SLC25A26: variants seen among roughly 807,000 people sequenced by gnomAD.
The protein encoded by SLC25A26 is solute carrier family 25 member 26.
In SLC25A26, 36 loss-of-function variants were observed where a neutral mutation model predicts 37.8. That is an observed-to-expected ratio of 0.95 (90% confidence interval 0.73 to 1.26). The LOEUF is 1.26. Among genes scored for constraint, SLC25A26 ranks in the 50% most tolerant of loss-of-function variants. The pLI, the probability that SLC25A26 is intolerant of heterozygous loss-of-function variation, is 0.00. For missense variants in SLC25A26, 390 were observed against 331.1 expected (o/e 1.18, Z -1.38); for synonymous variants, 129 against 122.5 (o/e 1.05, Z -0.35).
At chr3:66,269,884 C>A (rs1435763601) in intron 5 of SLC25A26, among the ~76,000 whole-genome samples, 1 of 152,132 alleles carries the variant, frequency 6.6e-6, no homozygotes, top group Admixed American at 6.5e-5. Flanking sequence ...TTCCAGATAG[C>A]GTGTAAATCC....
chr3:66,179,257 T>A (rs558053303), intron 1 of SLC25A26, among the ~76,000 whole-genome samples: 30 of 152,354 alleles, frequency 2.0e-4, no homozygotes, highest in East Asian at 1.5e-3. Context: ...AAATGTAGCA[T>A]CAAGCTCCAA....
chr3:66,221,246 T>C, intron 1 of SLC25A26, 119 bp downstream of exon 1: 1 of 1,136,242 alleles, frequency 8.8e-7, no homozygotes, highest in Non-Finnish European at 1.2e-6. Flanking sequence ...CTCGGGTTAC[T>C]GGCAGCCAGG....
intron 5 of SLC25A26, among the ~76,000 whole-genome samples, chr3:66,274,988 C>G (rs903955099): frequency 1.4e-4 from 22 of 152,034 alleles, no homozygotes; most frequent in African/African-American, 5.3e-4. Flanking sequence ...ATAGCAAAGA[C>G]TTGGAACCAA....
chr3:66,316,701 C>G (rs2075550252), intron 5 of SLC25A26, among the ~76,000 whole-genome samples: 2 of 152,160 alleles, frequency 1.3e-5, no homozygotes, highest in African/African-American at 4.8e-5. Flanking sequence ...GGATGATACC[C>G]TGAAGTGTGT....
chr3:66,195,888 C>A (rs1166493940), intron 1 of SLC25A26, among the ~76,000 whole-genome samples: 1 of 152,148 alleles, frequency 6.6e-6, no homozygotes, highest in East Asian at 1.9e-4. Context: ...ATTCACTTGG[C>A]AAATTATTTA....
chr3:66,230,030 C>G (rs2071937858), intron 1 of SLC25A26, among the ~76,000 whole-genome samples: 1 of 152,218 alleles, frequency 6.6e-6, no homozygotes, highest in Non-Finnish European at 1.5e-5. Context: ...GTCACACATG[C>G]TGTGGCAGAC....
In SLC25A26 at chr3:66,215,714, C is replaced by A. The variant is rs963005295; in HGVS notation, c.-353-5028C>A. The stretch of plus-strand genomic sequence containing the variant: ...AAGGAAAACTGACTTTTCAAACAGG[C>A]CTTTAAAATTTTTTCATTTGACTTT... On this transcript the variant is annotated intron_variant, in intron 1 of 10. Coordinates refer to the SLC25A26 transcript ENST00000676754. Among the ~76,000 whole-genome samples, 6 of 152,190 alleles carry A rather than the reference C, an allele frequency of 3.9e-5. No individual in the cohort carries two copies. In the South Asian group the frequency reaches 6.2e-4, roughly 16 times the overall value.
intron 5 of SLC25A26, among the ~76,000 whole-genome samples, chr3:66,287,349 A>T (rs2074550714): frequency 1.3e-5 from 2 of 151,786 alleles, no homozygotes; most frequent in African/African-American, 4.8e-5. Flanking sequence ...CTCCTAAAAC[A>T]TCTCTTTGTT....
At chr3:66,218,943 C>T (rs2071401379), upstream of SLC25A26, among the ~76,000 whole-genome samples, 1 of 152,190 alleles carries the variant, frequency 6.6e-6, no homozygotes, top group African/African-American at 2.4e-5. Context: ...TCTTAAACAC[C>T]CAGCTAAATG....
intron 5 of SLC25A26, among the ~76,000 whole-genome samples, chr3:66,316,656 G>A (rs2075549130): frequency 6.6e-6 from 1 of 152,254 alleles, no homozygotes; most frequent in Middle Eastern, 3.4e-3. Context: ...GAATTTGAAT[G>A]TTGGCTTATC....
At chr3:66,347,108 C>T (rs1255219763) in intron 6 of SLC25A26, among the ~76,000 whole-genome samples, 2 of 151,982 alleles carry the variant, frequency 1.3e-5, no homozygotes, top group Non-Finnish European at 2.9e-5. Context: ...GCAACAAAAG[C>T]CAAAATTGAC....
chr3:66,143,773 A>T (rs1194603630), intron 1 of SLC25A26, among the ~76,000 whole-genome samples: 1 of 152,174 alleles, frequency 6.6e-6, no homozygotes. Context: ...AGTCCCAGCT[A>T]TTCAGGCTGA....
At chr3:66,216,354 A>G (rs2106847668), upstream of SLC25A26, among the ~76,000 whole-genome samples, 1 of 152,264 alleles carries the variant, frequency 6.6e-6, no homozygotes, top group African/African-American at 2.4e-5. Context: ...TCTACTAAAA[A>G]TACAAAAATT....
chr3:66,293,979 A>G (rs1046013533), intron 5 of SLC25A26, among the ~76,000 whole-genome samples: 1 of 152,140 alleles, frequency 6.6e-6, no homozygotes, highest in African/African-American at 2.4e-5. Flanking sequence ...CTTTTTGCTT[A>G]GGATTACCTT....
intron 1 of SLC25A26, among the ~76,000 whole-genome samples, chr3:66,143,849 C>T (rs1358733226): frequency 6.6e-6 from 1 of 152,202 alleles, no homozygotes; most frequent in South Asian, 2.1e-4. Flanking sequence ...CCAGTGCACT[C>T]CAGCCTGGGC....
chr3:66,286,238 A>T (rs939295966), intron 5 of SLC25A26, among the ~76,000 whole-genome samples: 3 of 152,148 alleles, frequency 2.0e-5, no homozygotes, highest in Admixed American at 6.5e-5. Flanking sequence ...TATGAATTGT[A>T]CTTTGGATGT....
chr3:66,317,468 T>C (rs1193699862), intron 5 of SLC25A26, among the ~76,000 whole-genome samples: 2 of 152,280 alleles, frequency 1.3e-5, no homozygotes, highest in East Asian at 3.9e-4. Context: ...CCAGCAAAGA[T>C]GGCAGCCTGC....
At chr3:66,351,973 G>A (rs1042620098) in intron 6 of SLC25A26, among the ~76,000 whole-genome samples, 1 of 151,996 alleles carries the variant, frequency 6.6e-6, no homozygotes, top group Non-Finnish European at 1.5e-5. Context: ...ATTAGGTCAG[G>A]CACAGTGGCT....
At chr3:66,219,632 G>A (rs1025310507), upstream of SLC25A26, among the ~76,000 whole-genome samples, 2 of 152,196 alleles carry the variant, frequency 1.3e-5, no homozygotes, top group Admixed American at 1.3e-4. Flanking sequence ...TGTATAGTCT[G>A]TCTGTGTGTA....
Sources: allele counts gnomAD v4.1 joint callset (sites outside exome capture counted in the v4.1 genomes callset), GRCh38; gene constraint gnomAD v4.1.1; transcripts MANE v1.5; gene names NCBI Gene and HGNC (gene_info 2026-07-23, HGNC 2026-07-21).